The following JAM3 variants were observed in gnomAD, a reference collection of about 807,000 sequenced individuals.
The protein encoded by JAM3 is junctional adhesion molecule C.
JAM3 carries 31 observed loss-of-function variants against 39.4 expected under a neutral mutation model. The ratio of observed to expected loss-of-function variants is 0.79; its 90% CI spans 0.59 to 1.06. JAM3 has a LOEUF of 1.06. Among genes scored for constraint, JAM3 ranks in the 50% least tolerant of loss-of-function variants. The pLI is 0.00. For synonymous variants in JAM3, 182 were observed against 148.7 expected (o/e 1.22, Z -1.63); for missense variants, 455 against 391.4 (o/e 1.16, Z -1.37).
chr11:134,129,999 C>T (rs1324525823), intron 1 of JAM3, among the ~76,000 whole-genome samples: 2 of 151,234 alleles, frequency 1.3e-5, no homozygotes, highest in African/African-American at 2.4e-5. Flanking sequence ...GAGATTCTGT[C>T]TCCAAAAAAA....
chr11:134,143,116 G>T (rs1238155206), intron 3 of JAM3, among the ~76,000 whole-genome samples: 1 of 152,174 alleles, frequency 6.6e-6, no homozygotes, highest in African/African-American at 2.4e-5. Flanking sequence ...ATGACCAAGA[G>T]TACAACTGCT....
chr11:134,137,266 C>T (rs1942884093), intron 1 of JAM3, among the ~76,000 whole-genome samples: 1 of 152,186 alleles, frequency 6.6e-6, no homozygotes, highest in African/African-American at 2.4e-5. Flanking sequence ...TATAAAGATA[C>T]ATATCTCAGT....
intron 1 of JAM3, among the ~76,000 whole-genome samples, chr11:134,125,616 G>A (rs1252726702): frequency 6.6e-6 from 1 of 152,212 alleles, no homozygotes; most frequent in African/African-American, 2.4e-5. Flanking sequence ...TGGGACATGA[G>A]TGTAGTCATC....
chr11:134,099,754 G>T (rs1942041969), intron 1 of JAM3, among the ~76,000 whole-genome samples: 1 of 152,118 alleles, frequency 6.6e-6, no homozygotes, highest in Non-Finnish European at 1.5e-5. Context: ...TTACAGGTGT[G>T]CGCCACCACG....
At position 134,149,275 on chromosome 11, in the gene JAM3, A is replaced by G; in HGVS notation, c.*94A>G. 1 of 1,441,304 alleles carries G rather than the reference A, an allele frequency of 6.9e-7. No individual in the cohort carries two copies. Among genetic ancestry groups the G allele is most frequent in the Middle Eastern group, 1.7e-4 (1 of 5,742 alleles). The allele number at this position is 1,441,304 out of a possible 1,614,324, so 89.3% of individuals were successfully genotyped here. ...GCAGCGAGAGCTGATGCACTCGGAC[A>G]GAGCTAGACACTCATTCAGAAGCTT... is the stretch of plus-strand genomic sequence containing the variant. On this transcript the variant is annotated 3_prime_UTR_variant, in exon 9 of 9. Coordinates refer to ENST00000299106, the MANE Select transcript of JAM3 (RefSeq NM_032801.5).
intron 1 of JAM3, among the ~76,000 whole-genome samples, chr11:134,109,840 C>T (rs1020375415): frequency 4.6e-5 from 7 of 152,130 alleles, no homozygotes; most frequent in East Asian, 1.9e-4. Context: ...GGAGTAGCTA[C>T]CTGGGGAGAT....
At chr11:134,121,455 T>C (rs1942530562) in intron 1 of JAM3, among the ~76,000 whole-genome samples, 5 of 151,772 alleles carry the variant, frequency 3.3e-5, no homozygotes, top group Admixed American at 2.6e-4. Flanking sequence ...TGCCTTATCA[T>C]TCCCATCTGC....
chr11:134,124,331 G>A, intron 1 of JAM3: 1 of 763,720 alleles, frequency 1.3e-6, no homozygotes, highest in Non-Finnish European at 2.4e-6. Context: ...GGTTCATTAT[G>A]GCAAATGAAA....
intron 1 of JAM3, among the ~76,000 whole-genome samples, chr11:134,121,852 C>T (rs1565496371): frequency 6.6e-6 from 1 of 151,978 alleles, no homozygotes; most frequent in Non-Finnish European, 1.5e-5. Context: ...CACACACACA[C>T]CCTCCTCCCA....
intron 1 of JAM3, among the ~76,000 whole-genome samples, chr11:134,072,910 T>TG (rs983938268): frequency 2.6e-5 from 4 of 151,864 alleles, no homozygotes; most frequent in Non-Finnish European, 5.9e-5. Context: ...AACTCCGTCT[T>TG]GGGGGAAAAA....
chr11:134,101,922 G>T (rs1295768729), intron 1 of JAM3, among the ~76,000 whole-genome samples: 1 of 152,136 alleles, frequency 6.6e-6, no homozygotes, highest in East Asian at 1.9e-4. Flanking sequence ...TAAAAATTAG[G>T]TGTGGGGTAC....
At chr11:134,140,116 C>T (rs1238079341) in intron 2 of JAM3, among the ~76,000 whole-genome samples, 200 bp downstream of exon 2, 2 of 152,306 alleles carry the variant, frequency 1.3e-5, no homozygotes, top group African/African-American at 4.8e-5. Context: ...CAGCTGTCAT[C>T]GCACTCCTGC....
chr11:134,104,235 A>C (rs1942135543), intron 1 of JAM3, among the ~76,000 whole-genome samples: 2 of 152,350 alleles, frequency 1.3e-5, no homozygotes, highest in Admixed American at 1.3e-4. Context: ...ATGGAAACTG[A>C]ACAACCTGCT....
intron 1 of JAM3, among the ~76,000 whole-genome samples, chr11:134,070,008 G>T (rs1471391525): frequency 6.6e-6 from 1 of 152,130 alleles, no homozygotes; most frequent in South Asian, 2.1e-4. Context: ...CTTTCCCTCT[G>T]TTTGGAATTC....
At chr11:134,101,929 G>T (rs1170302070) in intron 1 of JAM3, among the ~76,000 whole-genome samples, 1 of 152,072 alleles carries the variant, frequency 6.6e-6, no homozygotes, top group African/African-American at 2.4e-5. Flanking sequence ...TAGGTGTGGG[G>T]TACACATCTG....
chr11:134,070,156 AT>A (rs1379620315), intron 1 of JAM3: 10 of 456,252 alleles, frequency 2.2e-5, no homozygotes, highest in Non-Finnish European at 4.0e-5. Flanking sequence ...GATAGGTTTC[AT>A]TAATCCATTT....
At chr11:134,089,417 C>T (rs1026572783) in intron 1 of JAM3, among the ~76,000 whole-genome samples, 7 of 152,046 alleles carry the variant, frequency 4.6e-5, no homozygotes, top group South Asian at 4.1e-4. Context: ...CCCAGTAACT[C>T]GTCATTTAAC....
chr11:134,116,581 C>G (rs572166591), intron 1 of JAM3, among the ~76,000 whole-genome samples: 2 of 152,264 alleles, frequency 1.3e-5, no homozygotes, highest in East Asian at 3.9e-4. Flanking sequence ...TTCTTGCTCT[C>G]TGACACTACA....
intron 1 of JAM3, among the ~76,000 whole-genome samples, chr11:134,123,096 C>T (rs906150046): frequency 1.3e-5 from 2 of 152,192 alleles, no homozygotes; most frequent in African/African-American, 2.4e-5. Context: ...GCTACTTTGT[C>T]TAGTATTAGA....
Sources: gnomAD v4.1 joint callset for allele counts (sites outside exome capture counted in the v4.1 genomes callset) on GRCh38, gnomAD v4.1.1 for gene constraint, MANE v1.5 for transcripts, NCBI Gene and HGNC (gene_info 2026-07-23, HGNC 2026-07-21) for gene names.